NRG1: variants seen among roughly 807,000 people sequenced by gnomAD.
NRG1 encodes the protein pro-neuregulin-1, membrane-bound isoform.
A neutral mutation model predicts 63.8 loss-of-function variants in NRG1; 18 were observed. The ratio of observed to expected loss-of-function variants is 0.28; its 90% CI spans 0.19 to 0.42. The LOEUF is 0.42. NRG1 is among the 10% of genes least tolerant of loss of function. NRG1 has a pLI of 1.00. For synonymous variants in NRG1, 302 were observed against 301.3 expected (o/e 1.00, Z -0.02); for missense variants, 762 against 814.7 (o/e 0.94, Z 0.79).
intron 1 of NRG1, among the ~76,000 whole-genome samples, chr8:32,341,001 C>A (rs1307541071): frequency 2.6e-5 from 4 of 152,168 alleles, no homozygotes; most frequent in African/African-American, 9.7e-5. Context: ...GAAACACTTG[C>A]TGAACCCAAT....
chr8:32,190,505 A>G (rs1031542653), intron 1 of NRG1, among the ~76,000 whole-genome samples: 2 of 152,196 alleles, frequency 1.3e-5, no homozygotes, highest in African/African-American at 2.4e-5. Context: ...GTTGTGAGCA[A>G]TTCACACATA....
chr8:31,864,665 G>A (rs925835553), intron 1 of NRG1, among the ~76,000 whole-genome samples: 1 of 152,180 alleles, frequency 6.6e-6, no homozygotes, highest in East Asian at 1.9e-4. Flanking sequence ...GGCCAGTTCT[G>A]TAGGACCTGT....
At chr8:32,457,086 T>C (rs909724498) in intron 1 of NRG1, among the ~76,000 whole-genome samples, 36 of 152,152 alleles carry the variant, frequency 2.4e-4, no homozygotes, top group African/African-American at 8.2e-4. Flanking sequence ...GAGATGAGAT[T>C]GTGCCATTGC....
At chr8:32,112,342 T>A (rs1404778829) in intron 1 of NRG1, among the ~76,000 whole-genome samples, 1 of 152,248 alleles carries the variant, frequency 6.6e-6, no homozygotes, top group Non-Finnish European at 1.5e-5. Context: ...TAGGAAAATC[T>A]TGTGTCTGAA....
chr8:32,216,345 A>G (rs1046751354), intron 1 of NRG1, among the ~76,000 whole-genome samples: 4 of 149,508 alleles, frequency 2.7e-5, no homozygotes, highest in African/African-American at 9.7e-5. Flanking sequence ...TGTCTCTGAC[A>G]GTATTAAATT....
intron 1 of NRG1, among the ~76,000 whole-genome samples, chr8:31,799,412 G>T (rs2131708409): frequency 6.6e-6 from 1 of 152,054 alleles, no homozygotes; most frequent in East Asian, 1.9e-4. Flanking sequence ...CTCTTTTTCA[G>T]AAAGTTAAAA....
At chr8:31,766,753 G>A (rs1818106356) in intron 1 of NRG1, among the ~76,000 whole-genome samples, 1 of 152,090 alleles carries the variant, frequency 6.6e-6, no homozygotes, top group South Asian at 2.1e-4. Context: ...CTTTAGTTGA[G>A]TTTTTCCCTC....
intron 1 of NRG1, among the ~76,000 whole-genome samples, chr8:32,540,026 A>C (rs189254641): frequency 6.6e-6 from 1 of 152,318 alleles, no homozygotes; most frequent in East Asian, 1.9e-4. Flanking sequence ...AACAAAAAAA[A>C]TCTGAGAGTA....
At chr8:32,000,794 T>C (rs1812796995) in intron 1 of NRG1, among the ~76,000 whole-genome samples, 1 of 152,058 alleles carries the variant, frequency 6.6e-6, no homozygotes, top group Non-Finnish European at 1.5e-5. Context: ...AGTTTTGTCA[T>C]TGAAAGTAAT....
chr8:31,947,067 G>A (rs1392094912), intron 1 of NRG1, among the ~76,000 whole-genome samples: 2 of 152,014 alleles, frequency 1.3e-5, no homozygotes, highest in Non-Finnish European at 2.9e-5. Context: ...TTGGGAGGCC[G>A]AGGCGGGTGG....
At chr8:32,628,183 A>G (rs1016972292) in intron 5 of NRG1, among the ~76,000 whole-genome samples, 6 of 152,208 alleles carry the variant, frequency 3.9e-5, no homozygotes, top group African/African-American at 1.4e-4. Context: ...TACCAGGAGG[A>G]ACCTGCCTTG....
intron 1 of NRG1, among the ~76,000 whole-genome samples, chr8:32,333,121 A>G (rs1802846365): frequency 1.3e-5 from 2 of 152,232 alleles, no homozygotes; most frequent in Admixed American, 6.5e-5. Flanking sequence ...AGAGTTGTCT[A>G]TCCCAAAAAG....
chr8:31,800,103 T>C (rs1251002040), intron 1 of NRG1, among the ~76,000 whole-genome samples: 1 of 152,164 alleles, frequency 6.6e-6, no homozygotes, highest in African/African-American at 2.4e-5. Context: ...TATCTCCTAG[T>C]TTTTTCCTTT....
chr8:32,131,109 T>C (rs982475359), intron 1 of NRG1, among the ~76,000 whole-genome samples: 12 of 152,000 alleles, frequency 7.9e-5, no homozygotes, highest in African/African-American at 2.9e-4. Flanking sequence ...ATACCTTAAT[T>C]TCCAGATACA....
At chr8:32,145,894 T>G (rs1046604759) in intron 1 of NRG1, among the ~76,000 whole-genome samples, 2 of 152,254 alleles carry the variant, frequency 1.3e-5, no homozygotes, top group African/African-American at 4.8e-5. Flanking sequence ...TTTGTGAAGT[T>G]GTGCTAACCA....
At chr8:32,228,103 T>A (rs1846523644) in intron 1 of NRG1, among the ~76,000 whole-genome samples, 1 of 152,220 alleles carries the variant, frequency 6.6e-6, no homozygotes, top group South Asian at 2.1e-4. Flanking sequence ...AACAGTGAAT[T>A]TATCCTTGGA....
chr8:31,673,733 A>AT (rs902315702), intron 1 of NRG1, among the ~76,000 whole-genome samples: 1 of 152,166 alleles, frequency 6.6e-6, no homozygotes, highest in African/African-American at 2.4e-5. Context: ...TAAGTGGCAC[A>AT]TTACTCTATA....
chr8:31,788,747 T>C (rs1484307119), intron 1 of NRG1, among the ~76,000 whole-genome samples: 3 of 152,152 alleles, frequency 2.0e-5, no homozygotes, highest in African/African-American at 7.2e-5. Flanking sequence ...TCTTTACCTT[T>C]CAAAACTGAT....
At chr8:32,140,820 C>T (rs750299044) in intron 1 of NRG1, among the ~76,000 whole-genome samples, 32 of 152,112 alleles carry the variant, frequency 2.1e-4, no homozygotes, top group Non-Finnish European at 4.3e-4. Flanking sequence ...AGGGTGACAA[C>T]CTCCACCTCC....
Sources: gnomAD v4.1 joint callset for allele counts (sites outside exome capture counted in the v4.1 genomes callset) on GRCh38, gnomAD v4.1.1 for gene constraint, MANE v1.5 for transcripts, NCBI Gene and HGNC (gene_info 2026-07-23, HGNC 2026-07-21) for gene names.